Variants in EML6 observed in about 807,000 individuals in gnomAD.
EML6 encodes the protein EMAP like 6, also known as echinoderm microtubule-associated protein-like 6.
In EML6, 154 loss-of-function variants were observed where a neutral mutation model predicts 240.1. The ratio of observed to expected loss-of-function variants is 0.64; its 90% CI spans 0.56 to 0.73. EML6 has a LOEUF of 0.73. EML6 is among the 30% of genes least tolerant of loss of function. The pLI, the probability that EML6 is intolerant of heterozygous loss-of-function variation, is 0.00. For missense variants in EML6, 2,964 were observed against 2,474.6 expected (o/e 1.20, Z -4.20); for synonymous variants, 1,148 against 899.0 (o/e 1.28, Z -4.95).
Position 54,903,383 on chromosome 2 carries a change from A to G in EML6, c.3290A>G (p.Tyr1097Cys). 1.3e-6 allele frequency: 2 copies of G among 1,551,630 alleles called. No homozygotes were observed. The highest frequency in any genetic ancestry group is 2.4e-5 in the East Asian group (1 of 40,908). Residue 1097 changes from tyrosine (Y) to cysteine (C), a missense_variant, in exon 24 of 42, where the codon TAC becomes TGC. Tyr to Cys is a radical substitution (Grantham distance 194). Transcript: ENST00000356458. ...DIKFSKDTGK[Y>C]LAVASHDNFV... is the part of the protein sequence containing the mutation. Reference sequence around the variant, plus strand: ...TTTTTCTTAACAGATACGGGAAAATACCTTGCCGTGGCATCCCATGATAAC... The same window carrying G: ...TTTTTCTTAACAGATACGGGAAAATGCCTTGCCGTGGCATCCCATGATAAC...
intron 11 of EML6, 43 bp from the exon 12 acceptor site, chr2:54,859,491 C>G (rs750524024): frequency 8.0e-6 from 12 of 1,498,200 alleles, no homozygotes; most frequent in Non-Finnish European, 6.3e-6. Context: ...CTAATGAACT[C>G]TTCTTTTTTC....
At chr2:54,856,703 C>G (rs1014756870) in intron 11 of EML6, among the ~76,000 whole-genome samples, 1 of 152,142 alleles carries the variant, frequency 6.6e-6, no homozygotes, top group South Asian at 2.1e-4. Flanking sequence ...GAGAGGGTGA[C>G]AGGGCTGTGT....
chr2:54,879,175 A>G (rs139868356), intron 16 of EML6, among the ~76,000 whole-genome samples: 5 of 152,324 alleles, frequency 3.3e-5, no homozygotes, highest in African/African-American at 9.6e-5. Flanking sequence ...CACAAAATAG[A>G]CATAGTTTTT....
chr2:54,746,942 T>G (rs1392249664), intron 2 of EML6, among the ~76,000 whole-genome samples: 3 of 152,168 alleles, frequency 2.0e-5, no homozygotes, highest in Non-Finnish European at 4.4e-5. Flanking sequence ...CCAGGAGTGT[T>G]TTTTACTGAA....
intron 11 of EML6, among the ~76,000 whole-genome samples, chr2:54,857,443 G>T (rs1400637237): frequency 1.3e-5 from 2 of 152,180 alleles, no homozygotes. Context: ...TTCAAGAAGT[G>T]TTCGTTAAAT....
rs564968886 is a variant in EML6, at chr2:54,952,436, C to T, written c.4214-158C>T. The stretch of plus-strand genomic sequence containing the variant: ...AATATGAACATTCCAAAAAAACGAC[C>T]CTTCATCTCCCCAAGTGTGATTCTG... On this transcript the variant is annotated intron_variant, in intron 30 of 41. Transcript: ENST00000356458. Among the ~76,000 whole-genome samples, 19 of 152,262 alleles carry T rather than the reference C, an allele frequency of 1.2e-4. No homozygotes were observed. In the East Asian group the frequency reaches 3.5e-3, roughly 28 times the overall value.
In EML6 at chr2:54,899,582, AG is replaced by A; in HGVS notation, c.2983-58del. The A allele has an allele frequency of 6.0e-6, 9 of 1,504,818 alleles. No homozygotes were observed. In the South Asian group the frequency reaches 1.1e-4, roughly 19 times the overall value. 93.2% of individuals were successfully genotyped at this position (1,504,818 alleles called of 1,614,324 possible). A position where few individuals can be genotyped will look rare whatever the true frequency, so the allele number is the denominator to read the frequency against. On this transcript the variant is annotated intron_variant, in intron 21 of 41. Transcript: ENST00000356458. ...GACTGAATATGTAGCACCAGGCTAA[AG>A]AAGGGCTAGCCAAACAGCATAAGTA...
chr2:54,894,960 G>A lies in EML6; in HGVS notation c.2788G>A (p.Asp930Asn). ...GGACGGCATCGTGGAGCTCTGGGAT[G>A]ATATGTTTGAAAGATGTTTGAAGAC... ...GKDGIVELWDDMFERCLKTYA... is the reference protein window; with the variant it reads ...GKDGIVELWDNMFERCLKTYA... Residue 930 changes from aspartate (D) to asparagine (N), a missense_variant, in exon 20 of 42, where the codon GAT becomes AAT. Asp to Asn is a conservative substitution (Grantham distance 23). Coordinates refer to ENST00000356458, the MANE Select transcript of EML6 (RefSeq NM_001039753.4). The A allele has an allele frequency of 6.4e-7, 1 of 1,551,428 alleles. No homozygotes were observed. Among genetic ancestry groups the A allele is most frequent in the Non-Finnish European group, 8.7e-7 (1 of 1,146,766 alleles).
chr2:54,891,193 C>A lies in EML6; in HGVS notation c.2539+39C>A, dbSNP rs375095308. The A allele has an allele frequency of 2.7e-5, 28 of 1,027,826 alleles. No individual in the cohort carries two copies. In the African/African-American group the frequency reaches 3.3e-4, roughly 12 times the overall value. 63.7% of individuals were successfully genotyped at this position (1,027,826 alleles called of 1,614,324 possible). ...GGTTTATCATTTATGTGATTGAGAG[C>A]TTTACCCTAGCTGGAAAGAAAAACA... On this transcript the variant is annotated intron_variant, in intron 18 of 41. Transcript: ENST00000356458.
At chr2:54,798,985 A>C (rs1232041329) in intron 2 of EML6, among the ~76,000 whole-genome samples, 1 of 152,146 alleles carries the variant, frequency 6.6e-6, no homozygotes, top group Non-Finnish European at 1.5e-5. Context: ...TCATGAATGG[A>C]TGTTGGATTT....
At chr2:54,740,516 G>C (rs1180024899) in intron 2 of EML6, among the ~76,000 whole-genome samples, 1 of 152,140 alleles carries the variant, frequency 6.6e-6, no homozygotes, top group Non-Finnish European at 1.5e-5. Context: ...ATTTTTCTCT[G>C]GATTGTACTT....
chr2:54,930,748 A>G lies in EML6; in HGVS notation c.4004+1997A>G, dbSNP rs1488397845. 7.2e-5 allele frequency among the ~76,000 whole-genome samples: 11 copies of G among 152,286 alleles called. 1 individual carries two copies. Among genetic ancestry groups the G allele is most frequent in the African/African-American group, 2.6e-4 (11 of 41,566 alleles). ...AATTCCCAGAAGGAGCTGGAACTAG[A>G]GCACACACTGCCAGCTGCACAGCAT... On this transcript the variant is annotated intron_variant, in intron 28 of 41. Coordinates refer to ENST00000356458, the MANE Select transcript of EML6 (RefSeq NM_001039753.4).
chr2:54,897,943 G>A (rs924273297), intron 21 of EML6, among the ~76,000 whole-genome samples: 1 of 152,130 alleles, frequency 6.6e-6, no homozygotes, highest in Non-Finnish European at 1.5e-5. Context: ...TGAGTGAGAC[G>A]ATGGGCTGTC....
intron 5 of EML6, among the ~76,000 whole-genome samples, chr2:54,824,463 T>C (rs1360831693): frequency 6.6e-6 from 1 of 152,180 alleles, no homozygotes; most frequent in Non-Finnish European, 1.5e-5. Flanking sequence ...CCAGGATTTC[T>C]CCACTTTTTT....
chr2:54,789,465 G>A (rs532858957), intron 2 of EML6, among the ~76,000 whole-genome samples: 2 of 125,288 alleles, frequency 1.6e-5, no homozygotes, highest in African/African-American at 5.7e-5. Flanking sequence ...AGTGAGCCGA[G>A]ATTACGCCAC....
At chr2:54,876,498 C>T (rs1472558285) in intron 16 of EML6, among the ~76,000 whole-genome samples, 1 of 152,178 alleles carries the variant, frequency 6.6e-6, no homozygotes, top group Non-Finnish European at 1.5e-5. Context: ...AAAAGCTCAC[C>T]TCTTACCCCG....
intron 28 of EML6, among the ~76,000 whole-genome samples, chr2:54,942,241 T>G (rs375660117): frequency 6.6e-6 from 1 of 152,304 alleles, no homozygotes; most frequent in East Asian, 1.9e-4. Flanking sequence ...AAAATGATTT[T>G]TAGAAGCTTA....
intron 2 of EML6, among the ~76,000 whole-genome samples, chr2:54,789,548 A>AAG (rs70944187): frequency 7.1e-6 from 1 of 141,348 alleles, no homozygotes; most frequent in Non-Finnish European, 1.5e-5. Flanking sequence ...AAAAAAAAAA[A>AAG]GAAAAAGAAT....
At chr2:54,801,821 A>C (rs959190253) in intron 2 of EML6, among the ~76,000 whole-genome samples, 1 of 152,206 alleles carries the variant, frequency 6.6e-6, no homozygotes, top group African/African-American at 2.4e-5. Context: ...ATGTATTAAA[A>C]CGTCATGCCA....
Sources: allele counts gnomAD v4.1 joint callset (sites outside exome capture counted in the v4.1 genomes callset), GRCh38; gene constraint gnomAD v4.1.1; transcripts MANE v1.5; gene names NCBI Gene and HGNC (gene_info 2026-07-23, HGNC 2026-07-21).